FRMPD2: variants seen among roughly 807,000 people sequenced by gnomAD.
FRMPD2 encodes the protein FERM and PDZ domain-containing protein 2.
A neutral mutation model predicts 140.1 loss-of-function variants in FRMPD2; 96 were observed. That is an observed-to-expected ratio of 0.69 (90% CI 0.58 to 0.81). The LOEUF (loss-of-function observed/expected upper bound fraction) is 0.81, where lower values mean the gene tolerates loss of function less well. Ranked by LOEUF, FRMPD2 falls within the 40% of genes least tolerant of loss-of-function variation. The pLI, the probability that FRMPD2 is intolerant of heterozygous loss-of-function variation, is 0.00. For synonymous variants in FRMPD2, 449 were observed against 547.6 expected (o/e 0.82, Z 2.52); for missense variants, 1,240 against 1,447.4 (o/e 0.86, Z 2.32).
At chr10:48,202,637 A>G (rs1279003532) in intron 14 of FRMPD2, among the ~76,000 whole-genome samples, 4 of 152,346 alleles carry the variant, frequency 2.6e-5, no homozygotes, top group African/African-American at 7.2e-5. Flanking sequence ...CGCCAGTCGT[A>G]ATAATTCTTC....
rs572876363 is a variant in FRMPD2 at position 48,181,054 on chromosome 10, T to TTTC, written c.2585-49_2585-47dup. 133 of 1,373,326 alleles carry TTTC rather than the reference T, an allele frequency of 9.7e-5. No homozygotes were observed. The African/African-American group carries it at 1.7e-3, about 17-fold the overall frequency. 85.1% of individuals were successfully genotyped at this position (1,373,326 alleles called of 1,614,324 possible). On this transcript the variant is annotated intron_variant, in intron 20 of 28. Transcript: ENST00000374201. The stretch of plus-strand genomic sequence containing the variant: ...AAAGTCAACAGCTTAAAAAGGCCGG[T>TTTC]TTCTTGGTGGCATCTCTATGTGGGC...
At chr10:48,199,142 C>T (rs1237342709) in intron 15 of FRMPD2, among the ~76,000 whole-genome samples, 1 of 152,080 alleles carries the variant, frequency 6.6e-6, no homozygotes, top group Non-Finnish European at 1.5e-5. Flanking sequence ...GTACTATGCT[C>T]ACTACCAGTG....
chr10:48,244,639 T>C (rs1840202429), intron 4 of FRMPD2, 145 bp downstream of exon 4: 1 of 630,612 alleles, frequency 1.6e-6, no homozygotes, highest in Admixed American at 2.4e-5. Flanking sequence ...AGTTGTGTGA[T>C]AAGTTCTCAA....
In FRMPD2 at chr10:48,232,323, T is replaced by C; in HGVS notation, c.994-34A>G. On this transcript the variant is annotated intron_variant, in intron 9 of 28. Transcript: ENST00000374201. The stretch of plus-strand genomic sequence containing the variant: ...AACAACAGTATCAATTATACTACAA[T>C]TATAAGTCATTGAGCCTTTAGTGTG... 2.7e-6 allele frequency: 4 copies of C among 1,505,794 alleles called. No homozygotes were observed. In the South Asian group the frequency reaches 3.7e-5, roughly 14 times the overall value. 93.3% of individuals were successfully genotyped at this position (1,505,794 alleles called of 1,614,324 possible).
In FRMPD2 at chr10:48,223,130, G is replaced by T; in HGVS notation, c.1309C>A (p.Leu437Met). ...CAGGTTTGCAGCACTCACTGGAGCA[G>T]CCCATAGTGGCTGACAAAGAACTTT... ...RIKFFVSHYGLLQHSLTRHQF... is the reference protein window; with the variant it reads ...RIKFFVSHYGMLQHSLTRHQF... Residue 437 changes from leucine to methionine, a missense_variant, in exon 11 of 29, where the codon CTG becomes ATG. Leu to Met is a conservative substitution (Grantham distance 15, BLOSUM62 2). Around this residue, in one of 6 missense-constraint regions of FRMPD2, gnomAD observed 1,161 missense variants for 1,055.9 expected, o/e 1.10. Coordinates refer to ENST00000374201, the MANE Select transcript of FRMPD2 (RefSeq NM_001018071.4). 1 of 1,613,578 alleles carries T rather than the reference G, an allele frequency of 6.2e-7. No homozygotes were observed. Among genetic ancestry groups the T allele is most frequent in the Non-Finnish European group, 8.5e-7 (1 of 1,179,664 alleles).
At position 48,201,228 on chromosome 10, in the gene FRMPD2, C is replaced by T; in HGVS notation, c.1954G>A (p.Asp652Asn). 6.2e-7 allele frequency: 1 copy of T among 1,601,882 alleles called. No homozygotes were observed. The highest frequency in any genetic ancestry group is 8.5e-7 in the Non-Finnish European group (1 of 1,174,058). ...TATGGAGAATACAGCTTCTACTCAC[C>T]AAATAAAACATGGGAAGGCTGCCCA... Reference protein sequence around the residue: ...GSGQPSHVLFDHDKFVQMANL... With the variant: ...GSGQPSHVLFNHDKFVQMANL... Residue 652 changes from aspartate to asparagine, a missense_variant and splice_region_variant, in exon 15 of 29, where the codon GAC (aspartate) becomes AAC (asparagine). Physicochemically the swap from Asp to Asn is conservative, Grantham distance 23. Coordinates refer to ENST00000374201, the MANE Select transcript of FRMPD2 (RefSeq NM_001018071.4).
At chr10:48,253,570 C>T (rs12098470) in intron 1 of FRMPD2, among the ~76,000 whole-genome samples, 10,470 of 152,212 alleles carry the variant, frequency 0.069, 1,222 homozygotes, top group African/African-American at 0.24. Context: ...GGAGGGGAGA[C>T]TGTCAAACAA....
chr10:48,177,107 CTTT>C (rs797028246), intron 22 of FRMPD2, among the ~76,000 whole-genome samples: 3 of 130,668 alleles, frequency 2.3e-5, no homozygotes, highest in Non-Finnish European at 1.6e-5. Context: ...TAATGGATCA[CTTT>C]TTTTTTTTTT....
intron 2 of FRMPD2, among the ~76,000 whole-genome samples, chr10:48,250,108 A>G (rs1840340624): frequency 6.6e-6 from 1 of 152,142 alleles, no homozygotes; most frequent in African/African-American, 2.4e-5. Context: ...CCTCCTGCCC[A>G]CACCAACCTC....
chr10:48,181,285 C>G (rs1166902687), intron 20 of FRMPD2, among the ~76,000 whole-genome samples: 1 of 152,286 alleles, frequency 6.6e-6, no homozygotes, highest in Non-Finnish European at 1.5e-5. Flanking sequence ...CCTTATTAAG[C>G]TCTAGCCATG....
chr10:48,192,641 C>T (rs912123143), intron 16 of FRMPD2, 43 bp downstream of exon 16: 5 of 1,495,436 alleles, frequency 3.3e-6, no homozygotes, highest in Non-Finnish European at 4.7e-6. Flanking sequence ...AACCATCAAG[C>T]ACATGGTGGT....
At chr10:48,206,550 G>T (rs1224580568) in intron 14 of FRMPD2, among the ~76,000 whole-genome samples, 198 bp downstream of exon 14, 5 of 152,176 alleles carry the variant, frequency 3.3e-5, no homozygotes, top group Non-Finnish European at 7.3e-5. Flanking sequence ...ATGGCCTCCT[G>T]AGGACCTCCC....
At chr10:48,225,106 C>T (rs983575304) in intron 10 of FRMPD2, among the ~76,000 whole-genome samples, 4 of 152,168 alleles carry the variant, frequency 2.6e-5, no homozygotes, top group Admixed American at 1.3e-4. Flanking sequence ...ACGCCTAAGC[C>T]AGATGGGCTG....
intron 1 of FRMPD2, among the ~76,000 whole-genome samples, chr10:48,254,266 C>T (rs1698555605): frequency 6.6e-6 from 1 of 152,196 alleles, no homozygotes; most frequent in African/African-American, 2.4e-5. Context: ...CTCTGAATTT[C>T]CCTGGCTGGC....
At chr10:48,211,407 G>A (rs563463736) in intron 13 of FRMPD2, among the ~76,000 whole-genome samples, 7 of 152,320 alleles carry the variant, frequency 4.6e-5, no homozygotes, top group Admixed American at 1.3e-4. Flanking sequence ...TGGCTCAAGC[G>A]CTGATCTTGT....
intron 16 of FRMPD2, among the ~76,000 whole-genome samples, chr10:48,188,719 C>A (rs1033821901): frequency 6.6e-6 from 1 of 152,158 alleles, no homozygotes; most frequent in Non-Finnish European, 1.5e-5. Context: ...GCTGAGGTGG[C>A]CTTCAGGTGG....
intron 10 of FRMPD2, among the ~76,000 whole-genome samples, chr10:48,230,032 T>C (rs115012195): frequency 0.018 from 2,686 of 152,210 alleles, 71 homozygotes; most frequent in African/African-American, 0.06. Context: ...ATTAATTACA[T>C]GAGGCTGAAC....
chr10:48,192,601 T>A (rs1291872013), intron 16 of FRMPD2, 83 bp downstream of exon 16: 8 of 1,246,572 alleles, frequency 6.4e-6, no homozygotes, highest in African/African-American at 1.5e-5. Flanking sequence ...AAAAAAAAAA[T>A]AAAATAAATC....
intron 18 of FRMPD2, 45 bp downstream of exon 18, chr10:48,185,508 G>A (rs778495171): frequency 7.3e-7 from 1 of 1,362,536 alleles, no homozygotes; most frequent in Admixed American, 1.7e-5. Context: ...TCCCCACTTT[G>A]CCCAGCAGTA....
Sources: allele counts gnomAD v4.1 joint callset (sites outside exome capture counted in the v4.1 genomes callset), GRCh38; gene constraint gnomAD v4.1.1; regional missense constraint gnomAD v4.1.1; transcripts MANE v1.5; gene names NCBI Gene and HGNC (gene_info 2026-07-23, HGNC 2026-07-21).